Variants in ITSN1 observed in about 807,000 individuals in gnomAD.
ITSN1 encodes the protein intersectin-1.
A neutral mutation model predicts 239.8 loss-of-function variants in ITSN1; 58 were observed. The observed-to-expected ratio is 0.24, with a 90% confidence interval of 0.20 to 0.30. The LOEUF (loss-of-function observed/expected upper bound fraction) is 0.30, where lower values mean the gene tolerates loss of function less well. Ranked by LOEUF, ITSN1 falls within the 10% of genes least tolerant of loss-of-function variation. ITSN1 has a pLI of 1.00. For missense variants in ITSN1, 1,558 were observed against 2,103.3 expected, an observed-to-expected ratio of 0.74 and a Z score of 5.07; for synonymous variants, 780 against 770.8, an observed-to-expected ratio of 1.01 and a Z score of -0.20.
At chr21:33,816,059 G>A (rs572658825) in intron 22 of ITSN1, among the ~76,000 whole-genome samples, 45 of 152,186 alleles carry the variant, frequency 3.0e-4, no homozygotes, top group African/African-American at 1.0e-3. Context: ...CAGGCATGAC[G>A]GTGGGCGCCT....
chr21:33,798,474 C>T (rs1269298059), intron 18 of ITSN1, among the ~76,000 whole-genome samples: 3 of 151,954 alleles, frequency 2.0e-5, no homozygotes, highest in Admixed American at 6.6e-5. Context: ...CCAATCTAAT[C>T]GGAATAGCTA....
chr21:33,840,865 T>A (rs961725335), intron 29 of ITSN1, among the ~76,000 whole-genome samples: 13 of 152,378 alleles, frequency 8.5e-5, no homozygotes, highest in South Asian at 8.3e-4. Context: ...GTAAATATAT[T>A]TGCAAGTGAA....
At chr21:33,651,090 C>T (rs1212017264) in intron 1 of ITSN1, among the ~76,000 whole-genome samples, 2 of 152,234 alleles carry the variant, frequency 1.3e-5, no homozygotes, top group Non-Finnish European at 2.9e-5. Context: ...GGCAGACACG[C>T]AAGGGTTATT....
chr21:33,765,800 T>C, intron 9 of ITSN1, 75 bp from the exon 10 acceptor site: 1 of 1,531,872 alleles, frequency 6.5e-7, no homozygotes, highest in Non-Finnish European at 9.0e-7. Flanking sequence ...AAAACATAAC[T>C]TTTAAATCAC....
chr21:33,674,783 G>A (rs1175234527), intron 1 of ITSN1, among the ~76,000 whole-genome samples: 2 of 152,112 alleles, frequency 1.3e-5, no homozygotes, highest in African/African-American at 4.8e-5. Context: ...ATAATGGAAA[G>A]TGTCATAAAT....
At chr21:33,756,156 C>A (rs901733424) in intron 8 of ITSN1, among the ~76,000 whole-genome samples, 1 of 151,494 alleles carries the variant, frequency 6.6e-6, no homozygotes, top group Non-Finnish European at 1.5e-5. Flanking sequence ...AAAAATTAGC[C>A]GGGTGTGGTG....
intron 29 of ITSN1, among the ~76,000 whole-genome samples, chr21:33,844,356 G>C (rs1002054106): frequency 1.3e-5 from 2 of 152,216 alleles, no homozygotes; most frequent in African/African-American, 4.8e-5. Context: ...TAAATGTCAC[G>C]TCTGGACTGT....
rs752476806 is a variant in ITSN1 at position 33,782,170 on chromosome 21, C to T, written c.1824+37C>T. ...ATGTGTGCCTGCATGTGTGTCCTAC[C>T]TTTAATTTTTTTAACTGTCCAAATG... On this transcript the variant is annotated intron_variant, in intron 16 of 39. Transcript: ENST00000381318. The T allele has an allele frequency of 6.9e-6, 11 of 1,596,088 alleles. No homozygotes were observed. The South Asian group carries it at 1.0e-4, about 15-fold the overall frequency.
rs566206614 is a variant in ITSN1 at position 33,691,870 on chromosome 21, C to T, written c.-32-26927C>T. Among the ~76,000 whole-genome samples, 4 of 152,300 alleles carry T rather than the reference C, an allele frequency of 2.6e-5. No homozygotes were observed. In the East Asian group the frequency reaches 7.7e-4, roughly 29 times the overall value. The stretch of plus-strand genomic sequence containing the variant: ...CATGATTTTAATTACCTCCCAAAGG[C>T]TCGCTTTCCAAATACCATGACCTTG... On this transcript the variant is annotated intron_variant, in intron 1 of 39. Transcript: ENST00000381318.
At chr21:33,804,413 T>C (rs953890694) in intron 20 of ITSN1, among the ~76,000 whole-genome samples, 9 of 152,214 alleles carry the variant, frequency 5.9e-5, no homozygotes, top group African/African-American at 2.2e-4. Flanking sequence ...ATGTTTAAAA[T>C]CTTTTTAGAA....
chr21:33,835,111 G>C (rs572194705), intron 28 of ITSN1, among the ~76,000 whole-genome samples: 15 of 152,346 alleles, frequency 9.8e-5, no homozygotes, highest in South Asian at 6.2e-4. Flanking sequence ...GGAAAGTGTA[G>C]AATTTTTGTT....
intron 1 of ITSN1, among the ~76,000 whole-genome samples, chr21:33,690,815 GTATATATATATA>G (rs1188283621): frequency 9.0e-5 from 1 of 11,078 alleles, no homozygotes; most frequent in Non-Finnish European, 1.7e-4. Flanking sequence ...ATATATATAT[GTATATATATATA>G]TATATATATA....
chr21:33,767,611 C>T (rs935723478), intron 10 of ITSN1, 102 bp from the exon 11 acceptor site: 2 of 542,326 alleles, frequency 3.7e-6, no homozygotes, highest in Non-Finnish European at 6.5e-6. Flanking sequence ...GAAATTTGCT[C>T]CATGGCATGG....
chr21:33,644,827 CTTTT>C (rs11380708), intron 1 of ITSN1, among the ~76,000 whole-genome samples: 1 of 147,598 alleles, frequency 6.8e-6, no homozygotes. Context: ...AATTCCTTTC[CTTTT>C]TTTTTTTCTT....
chr21:33,730,462 C>T (rs1294290932), intron 4 of ITSN1, among the ~76,000 whole-genome samples: 4 of 116,850 alleles, frequency 3.4e-5, no homozygotes, highest in East Asian at 3.0e-4. Context: ...AGTGCAGTGA[C>T]GTGATCTCGG....
chr21:33,669,190 CTCCTG>C (rs2090106040), intron 1 of ITSN1, among the ~76,000 whole-genome samples: 1 of 152,076 alleles, frequency 6.6e-6, no homozygotes, highest in African/African-American at 2.4e-5. Context: ...TCAAGCGATT[CTCCTG>C]TCTCAGCCAC....
At chr21:33,792,423 G>A (rs377231936) in intron 16 of ITSN1, among the ~76,000 whole-genome samples, 2 of 151,960 alleles carry the variant, frequency 1.3e-5, no homozygotes, top group Non-Finnish European at 2.9e-5. Flanking sequence ...CCATGGTGGC[G>A]TAACTTTTAA....
chr21:33,852,568 A>T (rs1202937070), intron 29 of ITSN1, among the ~76,000 whole-genome samples: 1 of 152,072 alleles, frequency 6.6e-6, no homozygotes, highest in African/African-American at 2.4e-5. Context: ...CAGGGCCTAG[A>T]CTCAAAAAAT....
intron 16 of ITSN1, among the ~76,000 whole-genome samples, chr21:33,793,854 A>G (rs2071335924): frequency 6.6e-6 from 1 of 152,216 alleles, no homozygotes; most frequent in African/African-American, 2.4e-5. Context: ...GAGCAAAGAG[A>G]TGTCCATTTG....
Sources: allele counts gnomAD v4.1 joint callset (sites outside exome capture counted in the v4.1 genomes callset), GRCh38; gene constraint gnomAD v4.1.1; transcripts MANE v1.5; gene names NCBI Gene and HGNC (gene_info 2026-07-23, HGNC 2026-07-21).